TAFA5: variants seen among roughly 807,000 people sequenced by gnomAD.
The protein encoded by TAFA5 is chemokine-like protein TAFA-5.
A neutral mutation model predicts 15.3 loss-of-function variants in TAFA5; 6 were observed. The observed-to-expected ratio is 0.39, with a 90% CI of 0.21 to 0.77. The LOEUF is 0.77. Among genes scored for constraint, TAFA5 ranks in the 30% least tolerant of loss-of-function variants. The pLI is 0.41. For missense variants in TAFA5, 161 were observed against 193.1 expected (o/e 0.83, Z 0.98); for synonymous variants, 103 against 80.7 (o/e 1.28, Z -1.48).
At chr22:48,722,882 C>T (rs895551276) in intron 3 of TAFA5, among the ~76,000 whole-genome samples, 4 of 152,156 alleles carry the variant, frequency 2.6e-5, no homozygotes, top group African/African-American at 7.2e-5. Context: ...TAGAACTGGA[C>T]GCTGGGCAGA....
chr22:48,647,501 A>C (rs1012272430), intron 2 of TAFA5, among the ~76,000 whole-genome samples: 13 of 152,072 alleles, frequency 8.5e-5, no homozygotes, highest in African/African-American at 1.7e-4. Context: ...ACTGGTGACC[A>C]GCTAAGTTCA....
At chr22:48,571,466 G>T (rs576611561) in intron 1 of TAFA5, among the ~76,000 whole-genome samples, 1 of 150,000 alleles carries the variant, frequency 6.7e-6, no homozygotes, top group Non-Finnish European at 1.5e-5. Context: ...GTAGAGATGG[G>T]GTTTCACCAT....
intron 3 of TAFA5, among the ~76,000 whole-genome samples, chr22:48,746,733 A>G (rs1930339064): frequency 6.6e-6 from 1 of 152,210 alleles, no homozygotes; most frequent in Non-Finnish European, 1.5e-5. Context: ...GTGGCAGCCT[A>G]GTCCAGCCTT....
chr22:48,595,990 G>A (rs978328420), intron 1 of TAFA5, among the ~76,000 whole-genome samples: 3 of 152,240 alleles, frequency 2.0e-5, no homozygotes, highest in African/African-American at 7.2e-5. Context: ...GGAATTAGTG[G>A]TATTACTGTT....
At chr22:48,575,370 C>T (rs1374590772) in intron 1 of TAFA5, among the ~76,000 whole-genome samples, 2 of 149,532 alleles carry the variant, frequency 1.3e-5, no homozygotes, top group Non-Finnish European at 3.0e-5. Flanking sequence ...TCCGCGGCTC[C>T]GCGGCCGGGA....
At chr22:48,734,946 G>C in intron 3 of TAFA5, among the ~76,000 whole-genome samples, 1 of 152,204 alleles carries the variant, frequency 6.6e-6, no homozygotes, top group East Asian at 1.9e-4. Flanking sequence ...GAGATGACCA[G>C]GAGGAAGTGG....
chr22:48,706,150 G>A (rs145529633), intron 2 of TAFA5, among the ~76,000 whole-genome samples: 1 of 152,322 alleles, frequency 6.6e-6, no homozygotes, highest in Non-Finnish European at 1.5e-5. Context: ...TGCAGGGCTG[G>A]CAACTGAGGC....
chr22:48,562,182 G>C (rs1427046326), intron 1 of TAFA5, among the ~76,000 whole-genome samples: 1 of 151,962 alleles, frequency 6.6e-6, no homozygotes, highest in Non-Finnish European at 1.5e-5. Flanking sequence ...CTGTCGCCCA[G>C]GTTGGAGTGC....
intron 1 of TAFA5, among the ~76,000 whole-genome samples, chr22:48,604,194 T>C (rs561561654): frequency 6.6e-6 from 1 of 152,298 alleles, no homozygotes; most frequent in South Asian, 2.1e-4. Context: ...GCTGGGCCCC[T>C]CTTGGCCACA....
At chr22:48,553,884 T>C (rs1601575175) in intron 1 of TAFA5, among the ~76,000 whole-genome samples, 1 of 152,142 alleles carries the variant, frequency 6.6e-6, no homozygotes, top group South Asian at 2.1e-4. Context: ...GCTCATTAGG[T>C]GATCACCGTC....
intron 1 of TAFA5, among the ~76,000 whole-genome samples, chr22:48,556,147 T>C (rs948048323): frequency 2.0e-5 from 3 of 152,080 alleles, no homozygotes; most frequent in African/African-American, 7.2e-5. Flanking sequence ...CCGAGACCAA[T>C]GGCACAGAGG....
intron 1 of TAFA5, among the ~76,000 whole-genome samples, chr22:48,631,355 C>T (rs1049009086): frequency 1.3e-5 from 2 of 152,222 alleles, no homozygotes; most frequent in African/African-American, 4.8e-5. Flanking sequence ...GCTGGACACA[C>T]GCCTGCCCGG....
At chr22:48,611,008 G>A (rs1047421614) in intron 1 of TAFA5, among the ~76,000 whole-genome samples, 17 of 150,696 alleles carry the variant, frequency 1.1e-4, no homozygotes, top group South Asian at 6.3e-4. Flanking sequence ...GTCTCGGCTC[G>A]CTGCAACCTC....
chr22:48,740,633 C>G (rs1930153187), intron 3 of TAFA5, among the ~76,000 whole-genome samples: 1 of 152,150 alleles, frequency 6.6e-6, no homozygotes, highest in Non-Finnish European at 1.5e-5. Flanking sequence ...GGCCCACACT[C>G]TCAGCCAGGG....
At chr22:48,676,214 A>G (rs1005642074) in intron 2 of TAFA5, among the ~76,000 whole-genome samples, 1 of 152,236 alleles carries the variant, frequency 6.6e-6, no homozygotes, top group Non-Finnish European at 1.5e-5. Flanking sequence ...GAGCCTGGAC[A>G]GCGTCCACCT....
At chr22:48,540,266 C>T (rs937798349) in intron 1 of TAFA5, among the ~76,000 whole-genome samples, 1 of 151,932 alleles carries the variant, frequency 6.6e-6, no homozygotes. Flanking sequence ...AGAAGGGACC[C>T]GTGGGCTGAA....
At chr22:48,681,073 C>G (rs987549566) in intron 2 of TAFA5, among the ~76,000 whole-genome samples, 4 of 152,206 alleles carry the variant, frequency 2.6e-5, no homozygotes, top group African/African-American at 9.6e-5. Context: ...CAGTGGATTG[C>G]TCAGAATATT....
chr22:48,579,375 G>A (rs370947330), intron 1 of TAFA5, among the ~76,000 whole-genome samples: 2 of 152,190 alleles, frequency 1.3e-5, no homozygotes, highest in Non-Finnish European at 2.9e-5. Context: ...CTTAGGACAC[G>A]CTGACCCTCC....
chr22:48,521,781 G>A (rs1036797565), intron 1 of TAFA5, among the ~76,000 whole-genome samples: 8 of 152,232 alleles, frequency 5.3e-5, no homozygotes, highest in African/African-American at 1.9e-4. Context: ...TTAAAGCATC[G>A]TGCTCATCTG....
Sources: allele counts gnomAD v4.1 joint callset (sites outside exome capture counted in the v4.1 genomes callset), GRCh38; gene constraint gnomAD v4.1.1; transcripts MANE v1.5; gene names NCBI Gene and HGNC (gene_info 2026-07-23, HGNC 2026-07-21).